Variants in AHNAK observed in about 807,000 individuals in gnomAD.
The protein encoded by AHNAK is neuroblast differentiation-associated protein AHNAK.
A neutral mutation model predicts 37.8 loss-of-function variants in AHNAK; 23 were observed. That is an observed-to-expected ratio of 0.61 (90% CI 0.44 to 0.86). AHNAK has a LOEUF of 0.86. AHNAK is among the 40% of genes least tolerant of loss of function. The pLI is 0.00. For synonymous variants in AHNAK, 2,481 were observed against 2,636.3 expected (o/e 0.94, Z 1.80); for missense variants, 7,411 against 7,319.4 (o/e 1.01, Z -0.46).
chr11:62,507,241 G>C (rs938634647), intron 4 of AHNAK, among the ~76,000 whole-genome samples: 6 of 152,056 alleles, frequency 3.9e-5, no homozygotes, highest in African/African-American at 1.4e-4. Flanking sequence ...GTGTGACCTT[G>C]GACATCCTGC....
Position 62,531,166 on chromosome 11 carries a change from T to C in AHNAK, c.3251A>G (p.Asn1084Ser). Residue 1084 changes from asparagine (N) to serine (S), a missense_variant, in exon 5 of 5, where the codon AAT becomes AGT. Coordinates refer to ENST00000378024, the MANE Select transcript of AHNAK (RefSeq NM_001620.3). ...LDLKGPKMKGNVDISAPKIEG... is the reference protein window; with the variant it reads ...LDLKGPKMKGSVDISAPKIEG... ...TATCTTTGGTGCAGAGATATCTACA[T>C]TTCCTTTCATTTTGGGTCCTTTAAG... The C allele has an allele frequency of 6.2e-7, 1 of 1,614,100 alleles. No homozygotes were observed. The highest frequency in any genetic ancestry group is 2.2e-5 in the East Asian group (1 of 44,874).
At chr11:62,499,701 C>T (rs1939680264) in intron 4 of AHNAK, among the ~76,000 whole-genome samples, 1 of 152,210 alleles carries the variant, frequency 6.6e-6, no homozygotes, top group Non-Finnish European at 1.5e-5. Flanking sequence ...CCTGGCTCCT[C>T]TGGGATGCCA....
At chr11:62,447,807 G>A (rs1938448053) in intron 5 of AHNAK, among the ~76,000 whole-genome samples, 1 of 143,576 alleles carries the variant, frequency 7.0e-6, no homozygotes, top group Non-Finnish European at 1.6e-5. Context: ...TGTCAACTCA[G>A]TGAATACCTG....
chr11:62,521,489 G>A lies in AHNAK; in HGVS notation c.12928C>T (p.Pro4310Ser). 1 of 1,612,712 alleles carries A rather than the reference G, an allele frequency of 6.2e-7. No homozygotes were observed. The highest frequency in any genetic ancestry group is 2.2e-5 in the East Asian group (1 of 44,780). The change falls in exon 5 of 5, where the codon CCA becomes TCA. Residue 4310 changes from proline to serine, a missense_variant. Transcript: ENST00000378024. ...TTGGGCATCTTCAGGTGCCAGTCTG[G>A]GCCATGAACATCTACATCAGGGGCA... ...IDAPDVDVHG[P>S]DWHLKMPKVK...
In AHNAK at chr11:62,530,849, A is replaced by G. The variant is rs1477135393; in HGVS notation, c.3568T>C (p.Phe1190Leu). Residue 1190 changes from phenylalanine to leucine, a missense_variant, in exon 5 of 5, where the codon TTC (phenylalanine) becomes CTC (leucine). Phe to Leu is a conservative substitution (Grantham distance 22, BLOSUM62 0). Transcript: ENST00000378024. ...GPKFKMPEMHFKTPKISMPDV... is the reference protein window; with the variant it reads ...GPKFKMPEMHLKTPKISMPDV... ...GGCATGGAGATCTTGGGGGTCTTGA[A>G]ATGCATCTCAGGCATCTTAAACTTG... 6.2e-7 allele frequency: 1 copy of G among 1,613,180 alleles called. No individual in the cohort carries two copies. The highest frequency in any genetic ancestry group is 8.5e-7 in the Non-Finnish European group (1 of 1,179,786).
chr11:62,505,751 C>T (rs2134177693), intron 4 of AHNAK, among the ~76,000 whole-genome samples: 1 of 151,366 alleles, frequency 6.6e-6, no homozygotes, highest in South Asian at 2.1e-4. Context: ...CGACACACCT[C>T]CCCCTACTCT....
chr11:62,511,023 G>T (rs776773940), downstream of AHNAK, among the ~76,000 whole-genome samples: 1 of 152,188 alleles, frequency 6.6e-6, no homozygotes, highest in Non-Finnish European at 1.5e-5. Context: ...GTGGCACTCT[G>T]AAGCAGGACA....
chr11:62,498,277 C>T (rs1173760092), intron 4 of AHNAK, among the ~76,000 whole-genome samples: 1 of 152,046 alleles, frequency 6.6e-6, no homozygotes, highest in Non-Finnish European at 1.5e-5. Context: ...GTCTACAGGG[C>T]ACATGCCAAG....
chr11:62,518,568 T>C lies in AHNAK; in HGVS notation c.15849A>G (p.Pro5283=), dbSNP rs370675715. ...GGTTCACTGAAGGCAAGTCTACTCC[T>C]GGCCCCTTTAGAGAAACATCGGGCC... ...LEGPDVSLKG[P]GVDLPSVNLS... is the part of the protein sequence containing the mutation. The change falls in exon 5 of 5, where the codon CCA becomes CCG. Residue 5283 remains proline, a synonymous_variant. Coordinates refer to ENST00000378024, the MANE Select transcript of AHNAK (RefSeq NM_001620.3). The C allele has an allele frequency of 9.1e-5, 147 of 1,614,198 alleles. No homozygotes were observed. In the Middle Eastern group the frequency reaches 1.5e-3, roughly 16 times the overall value.
chr11:62,486,535 G>A (rs1302459998), intron 5 of AHNAK, among the ~76,000 whole-genome samples: 1 of 51,180 alleles, frequency 2.0e-5, no homozygotes, highest in African/African-American at 7.7e-5. Context: ...AAGAAGGAAG[G>A]AAGGAAGGGA....
chr11:62,474,843 C>T (rs1939110752), intron 5 of AHNAK, among the ~76,000 whole-genome samples: 1 of 152,124 alleles, frequency 6.6e-6, no homozygotes, highest in Non-Finnish European at 1.5e-5. Context: ...CTTCCTTCTC[C>T]CACCTTCAGG....
At position 62,516,890 on chromosome 11, in the gene AHNAK, C is replaced by T. The variant is rs780404687; in HGVS notation, c.17527G>A (p.Asp5843Asn). 1.9e-6 allele frequency: 3 copies of T among 1,614,160 alleles called. No individual in the cohort carries two copies. The East Asian group carries it at 6.7e-5, about 36-fold the overall frequency. Residue 5843 changes from aspartate (D) to asparagine (N), a missense_variant, in exon 5 of 5, where the codon GAT becomes AAT. Transcript: ENST00000378024. ...KGHYEVTGSDDETGKLQGSGV... is the reference protein window; with the variant it reads ...KGHYEVTGSDNETGKLQGSGV... ...CTCCCCTGTAACTTGCCTGTCTCAT[C>T]ATCGCTCCCAGTCACCTCATAATGA...
chr11:62,433,893 T>C lies in AHNAK; in HGVS notation c.443-2A>G, dbSNP rs1005088446. ...TTCTTCCTGGCCGCTTCTACAGTCC[T>C]GTAAAACAACAACAAAGAGATTTAT... is the stretch of plus-strand genomic sequence containing the variant. On this transcript the variant is annotated splice_acceptor_variant, in intron 5 of 5. Coordinates refer to the AHNAK transcript ENST00000257247. LOFTEE classifies it high-confidence loss of function. 2 of 1,613,130 alleles carry C rather than the reference T, an allele frequency of 1.2e-6. No homozygotes were observed. Among genetic ancestry groups the C allele is most frequent in the Non-Finnish European group, 1.7e-6 (2 of 1,179,676 alleles).
rs2134239700 is a variant in AHNAK, at chr11:62,531,651, A to G, written c.2766T>C (p.Ile922=). 6.2e-7 allele frequency: 1 copy of G among 1,613,784 alleles called. No homozygotes were observed. Among genetic ancestry groups the G allele is most frequent in the East Asian group, 2.2e-5 (1 of 44,842 alleles). Residue 922 remains isoleucine (I), a synonymous_variant, in exon 5 of 5, where the codon ATT becomes ATC. Transcript: ENST00000378024. ...CCTTCAGCTTTCCTTCAGGTCCTTC[A>G]ATATTCACATCTGGAACTTCAACAC... The part of the protein sequence containing the change: ...KVGVEVPDVN[I]EGPEGKLKGP...
chr11:62,474,740 G>A (rs1052962739), intron 5 of AHNAK, among the ~76,000 whole-genome samples: 17 of 152,178 alleles, frequency 1.1e-4, no homozygotes, highest in Admixed American at 1.0e-3. Flanking sequence ...GTCAGTTTGC[G>A]GACATACACT....
chr11:62,456,304 C>T (rs1938657422), intron 5 of AHNAK, among the ~76,000 whole-genome samples: 1 of 152,184 alleles, frequency 6.6e-6, no homozygotes, highest in South Asian at 2.1e-4. Flanking sequence ...CATCATTGGC[C>T]TTTGCCACTT....
At chr11:62,536,830 C>A (rs1038685504) in intron 1 of AHNAK, among the ~76,000 whole-genome samples, 1 of 152,206 alleles carries the variant, frequency 6.6e-6, no homozygotes, top group Non-Finnish European at 1.5e-5. Flanking sequence ...GTTTTCTGAA[C>A]CTCCATTTCC....
At chr11:62,500,520 G>A (rs776571395) in intron 4 of AHNAK, among the ~76,000 whole-genome samples, 5 of 152,136 alleles carry the variant, frequency 3.3e-5, no homozygotes, top group Non-Finnish European at 7.3e-5. Flanking sequence ...CCAAACCTAC[G>A]TGCTGTCCCT....
chr11:62,509,721 A>C (rs912708717), intron 4 of AHNAK, among the ~76,000 whole-genome samples: 2 of 152,166 alleles, frequency 1.3e-5, no homozygotes, highest in Admixed American at 1.3e-4. Context: ...GCTCAAGACC[A>C]GCCTGGCCAA....
Sources: gnomAD v4.1 joint callset for allele counts (sites outside exome capture counted in the v4.1 genomes callset) on GRCh38, gnomAD v4.1.1 for gene constraint, MANE v1.5 for transcripts, NCBI Gene and HGNC (gene_info 2026-07-23, HGNC 2026-07-21) for gene names.